Variants in SLC24A2 observed in about 807,000 individuals in gnomAD.
SLC24A2 encodes the protein solute carrier family 24 member 2, also known as sodium/potassium/calcium exchanger 2.
A neutral mutation model predicts 62.0 loss-of-function variants in SLC24A2; 36 were observed. The ratio of observed to expected loss-of-function variants is 0.58; its 90% CI spans 0.44 to 0.77. The LOEUF is 0.77. Among genes scored for constraint, SLC24A2 ranks in the 30% least tolerant of loss-of-function variants. SLC24A2 has a pLI of 0.00. For missense variants in SLC24A2, 846 were observed against 817.9 expected (o/e 1.03, Z -0.42); for synonymous variants, 358 against 294.0 (o/e 1.22, Z -2.23).
chr9:20,039,652 C>T, the SLC24A2 span, among the ~76,000 whole-genome samples: 861 of 152,114 alleles, frequency 5.7e-3, 4 homozygotes, highest in African/African-American at 0.019. Flanking sequence ...ACTGTCAGGG[C>T]AACTTGGAGC....
chr9:19,702,348 C>A (rs1481830935), intron 2 of SLC24A2, among the ~76,000 whole-genome samples: 3 of 152,168 alleles, frequency 2.0e-5, no homozygotes, highest in African/African-American at 7.2e-5. Context: ...CCAGTTGGAA[C>A]TGATATATGT....
At chr9:19,630,877 T>C (rs566149024) in intron 2 of SLC24A2, among the ~76,000 whole-genome samples, 1 of 152,334 alleles carries the variant, frequency 6.6e-6, no homozygotes, top group East Asian at 1.9e-4. Context: ...TCTCACTCCT[T>C]GATCTGCTCT....
At chr9:20,224,844 C>A in the SLC24A2 span, among the ~76,000 whole-genome samples, 6 of 152,156 alleles carry the variant, frequency 3.9e-5, no homozygotes, top group South Asian at 1.2e-3. Flanking sequence ...CTGCTAACTG[C>A]TCACAGCTGC....
chr9:19,555,016 C>T (rs778067209), intron 7 of SLC24A2, among the ~76,000 whole-genome samples: 21 of 152,112 alleles, frequency 1.4e-4, no homozygotes, highest in Admixed American at 3.3e-4. Context: ...TAATGCAGGT[C>T]AGGGGGCCAC....
intron 2 of SLC24A2, among the ~76,000 whole-genome samples, chr9:19,752,364 C>T (rs1033387062): frequency 6.6e-6 from 1 of 152,130 alleles, no homozygotes. Flanking sequence ...AATTCCGACT[C>T]GAACACCAAG....
chr9:20,235,809 T>C, the SLC24A2 span, among the ~76,000 whole-genome samples: 3 of 152,174 alleles, frequency 2.0e-5, no homozygotes, highest in East Asian at 5.8e-4. Context: ...AAATCACCCA[T>C]CTTCTGTGTC....
chr9:20,257,031 T>G, the SLC24A2 span, among the ~76,000 whole-genome samples: 46 of 152,326 alleles, frequency 3.0e-4, no homozygotes, highest in Non-Finnish European at 6.2e-4. Flanking sequence ...CTTTGGTTAC[T>G]GAAAGCTTAA....
At chr9:20,255,678 G>C in the SLC24A2 span, among the ~76,000 whole-genome samples, 504 of 152,296 alleles carry the variant, frequency 3.3e-3, 4 homozygotes, top group African/African-American at 0.012. Context: ...GAAACAGCAA[G>C]TGGAAGTTGC....
chr9:19,775,160 C>G (rs1822809331), intron 2 of SLC24A2, among the ~76,000 whole-genome samples: 1 of 152,184 alleles, frequency 6.6e-6, no homozygotes, highest in African/African-American at 2.4e-5. Flanking sequence ...AGATCCTTTC[C>G]AAACCCACCA....
chr9:20,082,014 T>C, the SLC24A2 span, among the ~76,000 whole-genome samples: 1 of 152,152 alleles, frequency 6.6e-6, no homozygotes, highest in Non-Finnish European at 1.5e-5. Flanking sequence ...CACTCTAACC[T>C]GAAAAATATT....
the SLC24A2 span, among the ~76,000 whole-genome samples, chr9:20,018,650 C>T: frequency 7.2e-5 from 11 of 152,044 alleles, no homozygotes; most frequent in Non-Finnish European, 1.3e-4. Context: ...ATAACAGTAA[C>T]CATAATCATA....
At chr9:19,727,376 T>C (rs756738618) in intron 2 of SLC24A2, among the ~76,000 whole-genome samples, 3 of 152,196 alleles carry the variant, frequency 2.0e-5, no homozygotes, top group Non-Finnish European at 4.4e-5. Context: ...GGTGATCATT[T>C]TGCATTAGAG....
chr9:19,761,638 C>G (rs1822334184), intron 2 of SLC24A2, among the ~76,000 whole-genome samples: 1 of 151,980 alleles, frequency 6.6e-6, no homozygotes, highest in African/African-American at 2.4e-5. Flanking sequence ...CCCCCTTTCC[C>G]CCATCCCACA....
chr9:19,781,867 T>G (rs920814001), intron 2 of SLC24A2, among the ~76,000 whole-genome samples: 3 of 152,258 alleles, frequency 2.0e-5, no homozygotes, highest in African/African-American at 7.2e-5. Flanking sequence ...CAATTATTTA[T>G]GGTTTAGTAC....
At chr9:19,730,300 T>C (rs1210226836) in intron 2 of SLC24A2, among the ~76,000 whole-genome samples, 1 of 152,214 alleles carries the variant, frequency 6.6e-6, no homozygotes, top group Non-Finnish European at 1.5e-5. Flanking sequence ...TGCAGGCTTT[T>C]GACACAGTAA....
chr9:20,200,270 T>C, the SLC24A2 span, among the ~76,000 whole-genome samples: 2 of 152,210 alleles, frequency 1.3e-5, no homozygotes, highest in Admixed American at 1.3e-4. Flanking sequence ...TGCCAAACAC[T>C]GCGGGACACT....
At chr9:19,920,680 G>T in the SLC24A2 span, among the ~76,000 whole-genome samples, 1 of 152,202 alleles carries the variant, frequency 6.6e-6, no homozygotes, top group Non-Finnish European at 1.5e-5. Flanking sequence ...GCAGGGTTGA[G>T]TGTTAACTCT....
chr9:20,233,660 C>T, the SLC24A2 span, among the ~76,000 whole-genome samples: 355 of 152,218 alleles, frequency 2.3e-3, 3 homozygotes, highest in African/African-American at 8.1e-3. Context: ...AGTACACTGA[C>T]GGGTCTTGAA....
chr9:19,935,684 G>A, the SLC24A2 span, among the ~76,000 whole-genome samples: 3 of 152,112 alleles, frequency 2.0e-5, no homozygotes. Flanking sequence ...TGCCACTGAC[G>A]TTGCCTTTAC....
Sources: allele counts gnomAD v4.1 joint callset (sites outside exome capture counted in the v4.1 genomes callset), GRCh38; gene constraint gnomAD v4.1.1; transcripts MANE v1.5; gene names NCBI Gene and HGNC (gene_info 2026-07-23, HGNC 2026-07-21).